PHACTR1: variants seen among roughly 807,000 people sequenced by gnomAD.
The protein encoded by PHACTR1 is RPEL repeat containing 1.
In PHACTR1, 16 loss-of-function variants were observed where a neutral mutation model predicts 69.2. That is an observed-to-expected ratio of 0.23 (90% CI 0.16 to 0.35). The LOEUF (loss-of-function observed/expected upper bound fraction) is 0.35, where lower values mean the gene tolerates loss of function less well. PHACTR1 is among the 10% of genes least tolerant of loss of function. PHACTR1 has a pLI of 1.00. For missense variants in PHACTR1, 510 were observed against 734.7 expected, an observed-to-expected ratio of 0.69 and a Z score of 3.54; for synonymous variants, 312 against 284.5, an observed-to-expected ratio of 1.10 and a Z score of -0.97.
intron 5 of PHACTR1, among the ~76,000 whole-genome samples, chr6:13,136,515 G>C (rs958477718): frequency 1.3e-5 from 2 of 152,222 alleles, no homozygotes; most frequent in African/African-American, 4.8e-5. Context: ...TCAGCAACAA[G>C]GCTGTTTCAC....
chr6:13,218,641 G>A (rs776953315), intron 8 of PHACTR1, among the ~76,000 whole-genome samples: 8 of 151,904 alleles, frequency 5.3e-5, no homozygotes, highest in South Asian at 2.1e-4. Flanking sequence ...CCAACATAGC[G>A]AGACCCCATC....
In PHACTR1 at chr6:12,873,635, G is replaced by A. The variant is rs574928804; in HGVS notation, c.250+123845G>A. 2.6e-5 allele frequency among the ~76,000 whole-genome samples: 4 copies of A among 152,330 alleles called. No homozygotes were observed. The South Asian group carries it at 8.3e-4, about 32-fold the overall frequency. ...CAATCAATTCTGGGGAAACCCAGAA[G>A]AGAAAGCCTAGAGAGAAGAGGTAGC... On this transcript the variant is annotated intron_variant, in intron 4 of 14. Coordinates refer to ENST00000332995, the MANE Select transcript of PHACTR1 (RefSeq NM_030948.6).
intron 4 of PHACTR1, among the ~76,000 whole-genome samples, chr6:12,938,205 C>A (rs1789670711): frequency 6.6e-6 from 1 of 152,126 alleles, no homozygotes; most frequent in South Asian, 2.1e-4. Context: ...ATCCTCAAGG[C>A]AACTTCATGA....
At chr6:12,862,734 T>C (rs1201707533) in intron 4 of PHACTR1, among the ~76,000 whole-genome samples, 1 of 152,214 alleles carries the variant, frequency 6.6e-6, no homozygotes, top group Non-Finnish European at 1.5e-5. Flanking sequence ...TCTTCTCTGA[T>C]GTGTGTGCAC....
chr6:13,190,862 C>T (rs1763477873), intron 7 of PHACTR1, among the ~76,000 whole-genome samples: 2 of 145,806 alleles, frequency 1.4e-5, no homozygotes, highest in African/African-American at 2.4e-5. Flanking sequence ...AAAGTATTCG[C>T]TACTACAACT....
At chr6:12,782,499 T>C (rs1770968669) in intron 4 of PHACTR1, among the ~76,000 whole-genome samples, 1 of 152,234 alleles carries the variant, frequency 6.6e-6, no homozygotes, top group Admixed American at 6.5e-5. Flanking sequence ...GGGAATATGA[T>C]TAATGTTTTC....
At chr6:12,773,601 A>C (rs1472610001) in intron 4 of PHACTR1, among the ~76,000 whole-genome samples, 2 of 152,192 alleles carry the variant, frequency 1.3e-5, no homozygotes, top group East Asian at 3.8e-4. Flanking sequence ...GCTGTCAGTT[A>C]ATCTCATGGC....
intron 8 of PHACTR1, among the ~76,000 whole-genome samples, chr6:13,225,792 G>T (rs1167132203): frequency 6.6e-6 from 1 of 152,174 alleles, no homozygotes; most frequent in Non-Finnish European, 1.5e-5. Flanking sequence ...ACCAAAAAGT[G>T]GAGAGAGGAA....
intron 5 of PHACTR1, among the ~76,000 whole-genome samples, chr6:13,071,821 G>A (rs534908903): frequency 1.3e-5 from 2 of 152,286 alleles, no homozygotes; most frequent in East Asian, 1.9e-4. Context: ...ACTGCATGTC[G>A]TTGTGGGGAA....
chr6:12,801,430 G>C (rs1049726666), intron 4 of PHACTR1, among the ~76,000 whole-genome samples: 30 of 152,172 alleles, frequency 2.0e-4, no homozygotes, highest in African/African-American at 7.2e-4. Context: ...ATTATCAAAA[G>C]AATGTAGGCA....
chr6:12,816,987 T>A (rs369769961), intron 4 of PHACTR1, among the ~76,000 whole-genome samples: 1 of 151,956 alleles, frequency 6.6e-6, no homozygotes, highest in East Asian at 1.9e-4. Flanking sequence ...AGACACAGGG[T>A]TGTGTGTGTG....
At chr6:12,944,777 A>ATTTTTTTTTTT (rs757721726) in intron 4 of PHACTR1, among the ~76,000 whole-genome samples, 2 of 135,834 alleles carry the variant, frequency 1.5e-5, no homozygotes, top group African/African-American at 5.8e-5. Flanking sequence ...TTATTTATTT[A>ATTTTTTTTTTT]TTTTTATTTA....
At chr6:13,234,034 T>A (rs974977730) in intron 10 of PHACTR1, among the ~76,000 whole-genome samples, 9 of 152,212 alleles carry the variant, frequency 5.9e-5, no homozygotes, top group African/African-American at 1.9e-4. Flanking sequence ...TATCTATACC[T>A]CAAGGTCATT....
At chr6:13,265,863 C>G (rs1255999597) in intron 10 of PHACTR1, among the ~76,000 whole-genome samples, 1 of 152,160 alleles carries the variant, frequency 6.6e-6, no homozygotes, top group Non-Finnish European at 1.5e-5. Flanking sequence ...AAGTTCCATC[C>G]TAAGCCCTCG....
intron 4 of PHACTR1, among the ~76,000 whole-genome samples, chr6:12,915,070 T>G (rs1163332056): frequency 6.6e-6 from 1 of 152,144 alleles, no homozygotes; most frequent in Non-Finnish European, 1.5e-5. Flanking sequence ...GCTTCAGCAA[T>G]GTGATGCCAG....
intron 3 of PHACTR1, among the ~76,000 whole-genome samples, chr6:12,720,368 T>C (rs753186789): frequency 6.6e-6 from 1 of 152,216 alleles, no homozygotes; most frequent in Non-Finnish European, 1.5e-5. Flanking sequence ...CATTTTGTCT[T>C]GCTGTGGGGA....
At chr6:13,128,190 C>T (rs1819855750) in intron 5 of PHACTR1, among the ~76,000 whole-genome samples, 2 of 2,194 alleles carry the variant, frequency 9.1e-4, no homozygotes, top group African/African-American at 1.0e-3. Context: ...ATTAGTCTAC[C>T]CAAATGAGAA....
intron 4 of PHACTR1, among the ~76,000 whole-genome samples, chr6:12,815,479 G>A (rs572832173): frequency 5.2e-4 from 79 of 152,252 alleles, no homozygotes; most frequent in African/African-American, 1.8e-3. Flanking sequence ...ATCTGTTTCC[G>A]TGTACTCAGT....
chr6:12,908,509 A>G (rs1288816977), intron 4 of PHACTR1, among the ~76,000 whole-genome samples: 2 of 147,434 alleles, frequency 1.4e-5, no homozygotes, highest in East Asian at 3.9e-4. Flanking sequence ...CAGAGATTTA[A>G]AAAAAAAAAA....
Sources: allele counts gnomAD v4.1 joint callset (sites outside exome capture counted in the v4.1 genomes callset), GRCh38; gene constraint gnomAD v4.1.1; transcripts MANE v1.5; gene names NCBI Gene and HGNC (gene_info 2026-07-23, HGNC 2026-07-21).